Variants in GABRA5 observed in about 807,000 individuals in gnomAD.
The protein encoded by GABRA5 is gamma-aminobutyric acid receptor subunit alpha-5.
GABRA5 carries 18 observed loss-of-function variants against 47.3 expected under a neutral mutation model. The observed-to-expected ratio is 0.38, with a 90% CI of 0.26 to 0.56. GABRA5 has a LOEUF of 0.56. Among genes scored for constraint, GABRA5 ranks in the 20% least tolerant of loss-of-function variants. The pLI is 0.71. For synonymous variants in GABRA5, 237 were observed against 229.3 expected (o/e 1.03, Z -0.30); for missense variants, 365 against 599.3 (o/e 0.61, Z 4.08).
In GABRA5 at chr15:26,914,989, A is replaced by T; in HGVS notation, c.580+104A>T. On this transcript the variant is annotated intron_variant, in intron 7 of 10. Coordinates refer to ENST00000335625, the MANE Select transcript of GABRA5 (RefSeq NM_000810.4). The stretch of plus-strand genomic sequence containing the variant: ...TCTGCATATACATAAGCACAATAGG[A>T]TGCAGTCTGTTTAAGAAGCGTGGAG... 5.6e-6 allele frequency: 5 copies of T among 886,476 alleles called. No homozygotes were observed. In the South Asian group the frequency reaches 7.0e-5, roughly 12 times the overall value. The allele number at this position is 886,476 out of a possible 1,614,324, so 54.9% of individuals were successfully genotyped here. A position where few individuals can be genotyped will look rare whatever the true frequency, so the allele number is the denominator to read the frequency against.
chr15:26,906,984 T>C (rs1893459288), intron 6 of GABRA5, among the ~76,000 whole-genome samples: 1 of 152,154 alleles, frequency 6.6e-6, no homozygotes, highest in African/African-American at 2.4e-5. Context: ...ATTGCTGACA[T>C]CTTCTTTTCA....
At chr15:26,929,763 G>T (rs981100295) in intron 7 of GABRA5, among the ~76,000 whole-genome samples, 1 of 152,160 alleles carries the variant, frequency 6.6e-6, no homozygotes, top group Non-Finnish European at 1.5e-5. Flanking sequence ...GGGCAGGGCA[G>T]GGCGCCTCTC....
chr15:26,935,677 T>A (rs1403922931), intron 7 of GABRA5, among the ~76,000 whole-genome samples: 1 of 152,232 alleles, frequency 6.6e-6, no homozygotes, highest in Admixed American at 6.5e-5. Flanking sequence ...CCATCGCGTC[T>A]CATGTCCTCA....
rs1396376819 is a variant in GABRA5, at chr15:26,923,987, T to G, written c.580+9102T>G. On this transcript the variant is annotated intron_variant, in intron 7 of 10. Coordinates refer to ENST00000335625, the MANE Select transcript of GABRA5 (RefSeq NM_000810.4). ...AAGTTTGTTACCAGCATGTTTGTAC[T>G]TGGTCGTTGCATCATTTTACAATGG... Among the ~76,000 whole-genome samples, 4 of 152,200 alleles carry G rather than the reference T, an allele frequency of 2.6e-5. No homozygotes were observed. The South Asian group carries it at 8.3e-4, about 32-fold the overall frequency.
At chr15:26,892,774 T>C (rs1213323525) in intron 6 of GABRA5, among the ~76,000 whole-genome samples, 1 of 152,152 alleles carries the variant, frequency 6.6e-6, no homozygotes, top group East Asian at 1.9e-4. Flanking sequence ...GATCGTGGGA[T>C]GGAATCAGCT....
chr15:26,903,265 C>G (rs1263089324), intron 6 of GABRA5, among the ~76,000 whole-genome samples: 1 of 152,124 alleles, frequency 6.6e-6, no homozygotes, highest in Non-Finnish European at 1.5e-5. Context: ...CCAGCTCCAT[C>G]CATGTCCCCA....
At chr15:26,907,179 A>T (rs1451005308) in intron 6 of GABRA5, among the ~76,000 whole-genome samples, 1 of 152,186 alleles carries the variant, frequency 6.6e-6, no homozygotes, top group Non-Finnish European at 1.5e-5. Context: ...TATAATTTGG[A>T]TCTATTTTTA....
chr15:26,944,849 T>C (rs1224473787), intron 10 of GABRA5, among the ~76,000 whole-genome samples: 1 of 152,104 alleles, frequency 6.6e-6, no homozygotes, highest in Non-Finnish European at 1.5e-5. Flanking sequence ...CGGAAGTCCC[T>C]GGCAGTCACT....
At chr15:26,868,643 T>C (rs1595388741) in intron 1 of GABRA5, 86 bp from the exon 2 acceptor site, 2 of 152,874 alleles carry the variant, frequency 1.3e-5, no homozygotes, top group East Asian at 3.9e-4. Flanking sequence ...CACTCTTTTA[T>C]AGGCAGTTGT....
intron 9 of GABRA5, among the ~76,000 whole-genome samples, chr15:26,941,936 A>C (rs1894394522): frequency 6.6e-6 from 1 of 152,222 alleles, no homozygotes; most frequent in Admixed American, 6.5e-5. Flanking sequence ...ATAAGGCTGT[A>C]ATCTAGAGTA....
At chr15:26,922,621 T>C (rs1342921576) in intron 7 of GABRA5, among the ~76,000 whole-genome samples, 1 of 152,208 alleles carries the variant, frequency 6.6e-6, no homozygotes, top group East Asian at 1.9e-4. Context: ...CTGCTTTTTC[T>C]GTGTTTTTAT....
At chr15:26,900,930 G>C (rs994160784) in intron 6 of GABRA5, among the ~76,000 whole-genome samples, 3 of 151,954 alleles carry the variant, frequency 2.0e-5, no homozygotes, top group African/African-American at 7.3e-5. Flanking sequence ...CCTTTTCCCA[G>C]AATGTCAAAT....
chr15:26,927,780 A>T (rs577551075), intron 7 of GABRA5, among the ~76,000 whole-genome samples: 2 of 152,238 alleles, frequency 1.3e-5, no homozygotes, highest in East Asian at 1.9e-4. Context: ...AAATTACTCA[A>T]TTCAACAGTT....
At chr15:26,916,262 T>G (rs1359274359) in intron 7 of GABRA5, among the ~76,000 whole-genome samples, 2 of 152,220 alleles carry the variant, frequency 1.3e-5, no homozygotes, top group Non-Finnish European at 2.9e-5. Flanking sequence ...AGTATTAATT[T>G]TTTTACACTT....
intron 6 of GABRA5, among the ~76,000 whole-genome samples, chr15:26,891,219 T>C (rs1357383383): frequency 1.3e-5 from 2 of 152,194 alleles, no homozygotes; most frequent in East Asian, 3.9e-4. Context: ...CTCCAGCACA[T>C]GTTTGCTTTC....
intron 7 of GABRA5, among the ~76,000 whole-genome samples, chr15:26,935,673 C>T (rs1041389514): frequency 4.6e-5 from 7 of 152,228 alleles, no homozygotes; most frequent in Admixed American, 2.0e-4. Flanking sequence ...AATCCCATCG[C>T]GTCTCATGTC....
Position 26,947,996 on chromosome 15 carries a change from C to A in GABRA5, c.1152C>A (p.His384Gln). ...TNAFTTGKMS[H>Q]PPNIPKEQTP... ...CTTTTACAACTGGGAAGATGTCTCA[C>A]CCCCCAAACATTCCGAAGGAACAGA... Residue 384 changes from histidine (H) to glutamine (Q), a missense_variant, in exon 11 of 11, where the codon CAC becomes CAA. His to Gln is a conservative substitution (Grantham distance 24). Transcript: ENST00000335625. The A allele has an allele frequency of 6.3e-7, 1 of 1,598,642 alleles. No homozygotes were observed. The highest frequency in any genetic ancestry group is 1.1e-5 in the South Asian group (1 of 88,314).
At chr15:26,935,015 A>ATGC (rs10692737) in intron 7 of GABRA5, among the ~76,000 whole-genome samples, 72,117 of 151,722 alleles carry the variant, frequency 0.48, 17,584 homozygotes, top group East Asian at 0.85. Context: ...ATCATGACAA[A>ATGC]TGGCACTGCA....
chr15:26,920,515 A>C (rs149262019), intron 7 of GABRA5, among the ~76,000 whole-genome samples: 2 of 152,198 alleles, frequency 1.3e-5, no homozygotes, highest in East Asian at 3.9e-4. Context: ...TATTGTTTTC[A>C]GTAAGTATCT....
Sources: gnomAD v4.1 joint callset for allele counts (sites outside exome capture counted in the v4.1 genomes callset) on GRCh38, gnomAD v4.1.1 for gene constraint, MANE v1.5 for transcripts, NCBI Gene and HGNC (gene_info 2026-07-23, HGNC 2026-07-21) for gene names.